The following SIPA1L3 variants were observed in gnomAD, a reference collection of about 807,000 sequenced individuals.
The protein encoded by SIPA1L3 is signal-induced proliferation-associated 1-like protein 3.
SIPA1L3 carries 59 observed loss-of-function variants against 150.1 expected under a neutral mutation model. That is an observed-to-expected ratio of 0.39 (90% CI 0.32 to 0.49). The LOEUF is 0.49. SIPA1L3 is among the 20% of genes least tolerant of loss of function. The probability of loss-of-function intolerance (pLI) is 0.86; values close to 1 mark genes in which losing one functional copy is unlikely to be tolerated. For synonymous variants in SIPA1L3, 1,070 were observed against 1,077.6 expected (o/e 0.99, Z 0.14); for missense variants, 2,211 against 2,489.5 (o/e 0.89, Z 2.38).
At chr19:37,980,584 A>G (rs1967178546) in intron 1 of SIPA1L3, among the ~76,000 whole-genome samples, 1 of 152,126 alleles carries the variant, frequency 6.6e-6, no homozygotes, top group Admixed American at 6.5e-5. Context: ...CTCCCTCCAG[A>G]GCAGGGGGAA....
chr19:37,969,191 C>T (rs1043385466), intron 1 of SIPA1L3, among the ~76,000 whole-genome samples: 1 of 152,090 alleles, frequency 6.6e-6, no homozygotes, highest in African/African-American at 2.4e-5. Flanking sequence ...CATGATCATG[C>T]CACTGCACTC....
chr19:37,943,614 G>C (rs1026795480), intron 1 of SIPA1L3, among the ~76,000 whole-genome samples: 1 of 152,156 alleles, frequency 6.6e-6, no homozygotes, highest in East Asian at 1.9e-4. Context: ...TCTAGGCCCT[G>C]GACTTTGAGC....
chr19:38,169,898 C>A (rs925849880), intron 15 of SIPA1L3, among the ~76,000 whole-genome samples: 1 of 151,712 alleles, frequency 6.6e-6, no homozygotes, highest in Admixed American at 6.6e-5. Flanking sequence ...GGATACAAGG[C>A]AGCTGCGAAG....
chr19:37,962,462 C>CT (rs2046867483), intron 1 of SIPA1L3, among the ~76,000 whole-genome samples: 1 of 78,604 alleles, frequency 1.3e-5, no homozygotes, highest in Non-Finnish European at 2.2e-5. Context: ...CTGCAGCCGG[C>CT]CTTTTTTTTT....
At position 38,206,674 on chromosome 19, in the gene SIPA1L3, C is replaced by G. The variant is rs973029607; in HGVS notation, c.*434C>G. On this transcript the variant is annotated 3_prime_UTR_variant, in exon 22 of 22. Coordinates refer to ENST00000222345, the MANE Select transcript of SIPA1L3 (RefSeq NM_015073.3). ...AAAGTTGCGGCTTGTGGGGCCGAGG[C>G]CCCTGCATGAAAAGTACAGCGTGAA... The G allele has an allele frequency of 1.9e-5, 3 of 156,940 alleles. No individual in the cohort carries two copies. Among genetic ancestry groups the G allele is most frequent in the African/African-American group, 7.2e-5 (3 of 41,602 alleles). 9.7% of individuals were successfully genotyped at this position (156,940 alleles called of 1,614,324 possible).
chr19:38,178,701 C>A (rs1972498104), intron 15 of SIPA1L3, among the ~76,000 whole-genome samples: 1 of 152,134 alleles, frequency 6.6e-6, no homozygotes, highest in Non-Finnish European at 1.5e-5. Flanking sequence ...TGGTCTCGAT[C>A]TCCTGACCTC....
At chr19:37,945,906 G>A (rs1340803433) in intron 1 of SIPA1L3, among the ~76,000 whole-genome samples, 1 of 152,102 alleles carries the variant, frequency 6.6e-6, no homozygotes, top group African/African-American at 2.4e-5. Context: ...TGTAATACCA[G>A]CACTTTGGGA....
chr19:38,144,202 T>G (rs890568820), intron 12 of SIPA1L3, among the ~76,000 whole-genome samples: 1 of 152,264 alleles, frequency 6.6e-6, no homozygotes, highest in Non-Finnish European at 1.5e-5. Flanking sequence ...TTGAGCACTC[T>G]TCATCCTTAT....
rs187405521 is a variant in SIPA1L3 at position 38,057,318 on chromosome 19, A to C, written c.-310-23938A>C. Among the ~76,000 whole-genome samples the C allele has an allele frequency of 2.5e-3, 372 of 150,972 alleles. 5 individuals carry two copies. Among genetic ancestry groups the C allele is most frequent in the East Asian group, 0.018 (95 of 5,148 alleles). On this transcript the variant is annotated intron_variant, in intron 2 of 21. Transcript: ENST00000222345. ...TATATATGTGTATATATGTGTATAC[A>C]TATATACACACACACACACACGTAT... is the stretch of plus-strand genomic sequence containing the variant.
intron 4 of SIPA1L3, among the ~76,000 whole-genome samples, chr19:38,094,575 T>A (rs2145847411): frequency 6.6e-6 from 1 of 152,230 alleles, no homozygotes; most frequent in South Asian, 2.1e-4. Context: ...ATGAACAATC[T>A]CCAAAGCATA....
chr19:38,124,995 A>AGAGAGGGAGAGGGAGAGCGTGGGGAGAGG (rs956029737), intron 9 of SIPA1L3, among the ~76,000 whole-genome samples: 1 of 103,076 alleles, frequency 9.7e-6, no homozygotes, highest in African/African-American at 4.9e-5. Flanking sequence ...GACTGTGGAA[A>AGAGAGGGAGAGGGAGAGCGTGGGGAGAGG]GAGAGGGAGA....
rs1973262425 is a variant in SIPA1L3, at chr19:38,207,995, T to TCCCCCA, written c.*1766_*1771dup. The TCCCCCA allele has an allele frequency of 3.2e-5, 3 of 93,190 alleles. No homozygotes were observed. Among genetic ancestry groups the TCCCCCA allele is most frequent in the African/African-American group, 8.4e-5 (2 of 23,874 alleles). The allele number at this position is 93,190 out of a possible 1,614,324, so 5.8% of individuals were successfully genotyped here. On this transcript the variant is annotated 3_prime_UTR_variant, in exon 22 of 22. Coordinates refer to ENST00000222345, the MANE Select transcript of SIPA1L3 (RefSeq NM_015073.3). ...TCCCCTTCTCTGGGGGGCCCACCCG[T>TCCCCCA]CCCCCACCCCCACCCCTTAGACCCT...
At chr19:38,000,387 G>T (rs1187600363) in intron 1 of SIPA1L3, among the ~76,000 whole-genome samples, 1 of 148,998 alleles carries the variant, frequency 6.7e-6, no homozygotes, top group East Asian at 2.0e-4. Context: ...AGAATCGCTT[G>T]AACCCAGGAG....
At chr19:37,973,047 A>G (rs185490543) in intron 1 of SIPA1L3, among the ~76,000 whole-genome samples, 55 of 151,944 alleles carry the variant, frequency 3.6e-4, no homozygotes, top group African/African-American at 1.2e-3. Flanking sequence ...TGGCTAAAAT[A>G]TAGGGGTTCC....
chr19:38,165,002 C>A, intron 15 of SIPA1L3, 96 bp downstream of exon 15: 3 of 1,218,122 alleles, frequency 2.5e-6, no homozygotes, highest in Non-Finnish European at 3.3e-6. Context: ...CCCAGAAACA[C>A]ACTCACGGAT....
At chr19:38,162,957 C>T (rs1011142473) in intron 14 of SIPA1L3, among the ~76,000 whole-genome samples, 2 of 152,222 alleles carry the variant, frequency 1.3e-5, no homozygotes, top group African/African-American at 4.8e-5. Context: ...GAAATGTAGT[C>T]TTGCATGGCC....
chr19:37,911,594 C>T lies in SIPA1L3; in HGVS notation c.-379+4236C>T, dbSNP rs1052213679. ...CGCAATCTCAGCTCACTGCAAGCTC[C>T]GCCTCCTGGGTTCACGCCGTTCTCC... is the stretch of plus-strand genomic sequence containing the variant. On this transcript the variant is annotated intron_variant, in intron 1 of 21. Coordinates refer to ENST00000222345, the MANE Select transcript of SIPA1L3 (RefSeq NM_015073.3). Among the ~76,000 whole-genome samples, 6 of 151,572 alleles carry T rather than the reference C, an allele frequency of 4.0e-5. 1 individual carries two copies. The highest frequency in any genetic ancestry group is 4.2e-4 in the South Asian group (2 of 4,778).
At chr19:37,981,090 T>C (rs945477910) in intron 1 of SIPA1L3, among the ~76,000 whole-genome samples, 5 of 152,208 alleles carry the variant, frequency 3.3e-5, no homozygotes, top group Non-Finnish European at 7.3e-5. Context: ...GCTTTGGTTC[T>C]TTTTATAGGG....
chr19:38,050,482 C>T (rs1021422969), intron 2 of SIPA1L3, among the ~76,000 whole-genome samples: 4 of 152,086 alleles, frequency 2.6e-5, no homozygotes, highest in African/African-American at 4.8e-5. Context: ...AAAAAAACAG[C>T]GCCTAACACA....
Sources: allele counts gnomAD v4.1 joint callset (sites outside exome capture counted in the v4.1 genomes callset), GRCh38; gene constraint gnomAD v4.1.1; transcripts MANE v1.5; gene names NCBI Gene and HGNC (gene_info 2026-07-23, HGNC 2026-07-21).